NRG2: variants seen among roughly 807,000 people sequenced by gnomAD.
NRG2 encodes pro-neuregulin-2, membrane-bound isoform.
A neutral mutation model predicts 73.9 loss-of-function variants in NRG2; 27 were observed. The observed-to-expected ratio is 0.37, with a 90% CI of 0.27 to 0.50. NRG2 has a LOEUF of 0.50. NRG2 is among the 20% of genes least tolerant of loss of function. The probability of loss-of-function intolerance (pLI) is 0.96; values close to 1 mark genes in which losing one functional copy is unlikely to be tolerated. For missense variants in NRG2, 1,126 were observed against 1,210.1 expected (o/e 0.93, Z 1.03); for synonymous variants, 532 against 541.0 (o/e 0.98, Z 0.23).
intron 4 of NRG2, among the ~76,000 whole-genome samples, chr5:139,866,878 C>A (rs1762502771): frequency 6.6e-6 from 1 of 152,188 alleles, no homozygotes; most frequent in African/African-American, 2.4e-5. Flanking sequence ...CCTGTACTCT[C>A]TTCTGAACCC....
intron 1 of NRG2, among the ~76,000 whole-genome samples, chr5:140,013,602 T>C (rs1296102629): frequency 9.9e-5 from 15 of 152,200 alleles, no homozygotes; most frequent in Admixed American, 9.8e-4. Context: ...CCCTAACAGC[T>C]ACCACCCTAC....
At chr5:139,888,778 T>C (rs1764033822) in intron 1 of NRG2, among the ~76,000 whole-genome samples, 1 of 152,070 alleles carries the variant, frequency 6.6e-6, no homozygotes, top group African/African-American at 2.4e-5. Flanking sequence ...TCTCGTAAAA[T>C]AATTTTGTTC....
chr5:140,015,338 A>G (rs1360077285), intron 1 of NRG2, among the ~76,000 whole-genome samples: 1 of 152,162 alleles, frequency 6.6e-6, no homozygotes, highest in Non-Finnish European at 1.5e-5. Flanking sequence ...ATATTACTCA[A>G]TGAATGGATA....
chr5:139,857,694 A>G (rs184401943), intron 5 of NRG2, among the ~76,000 whole-genome samples: 22 of 152,094 alleles, frequency 1.4e-4, no homozygotes, highest in African/African-American at 4.3e-4. Context: ...GCCACGACCA[A>G]AGAGAATCCC....
chr5:139,959,605 A>G (rs1754910322), intron 1 of NRG2, among the ~76,000 whole-genome samples: 1 of 151,634 alleles, frequency 6.6e-6, no homozygotes, highest in Non-Finnish European at 1.5e-5. Flanking sequence ...CGAACTCCCG[A>G]CCTCAGATCA....
intron 3 of NRG2, among the ~76,000 whole-genome samples, chr5:139,880,621 A>G (rs917359314): frequency 9.9e-5 from 15 of 151,028 alleles, no homozygotes; most frequent in African/African-American, 3.4e-4. Flanking sequence ...TTTAGTTTTC[A>G]GGGTATTTAA....
At chr5:139,970,870 GCA>G (rs1755912923) in intron 1 of NRG2, among the ~76,000 whole-genome samples, 1 of 152,186 alleles carries the variant, frequency 6.6e-6, no homozygotes, top group Admixed American at 6.5e-5. Flanking sequence ...TCCTTAGTTA[GCA>G]CTATCCATGA....
chr5:139,907,793 A>G (rs1447375534), intron 1 of NRG2, among the ~76,000 whole-genome samples: 1 of 152,102 alleles, frequency 6.6e-6, no homozygotes, highest in Non-Finnish European at 1.5e-5. Context: ...ATTCCAGATG[A>G]GTGGGATACG....
At chr5:139,918,038 G>A (rs1472902183) in intron 1 of NRG2, among the ~76,000 whole-genome samples, 1 of 152,152 alleles carries the variant, frequency 6.6e-6, no homozygotes, top group Non-Finnish European at 1.5e-5. Flanking sequence ...TTACTGTTAA[G>A]TCTTTGACCC....
chr5:140,017,438 T>C (rs1759880200), intron 1 of NRG2, among the ~76,000 whole-genome samples: 1 of 152,100 alleles, frequency 6.6e-6, no homozygotes. Context: ...TATTTTAAAA[T>C]TCTGTAGACA....
At chr5:139,938,900 GAAAGAAAA>G (rs1753093530) in intron 1 of NRG2, among the ~76,000 whole-genome samples, 4 of 63,960 alleles carry the variant, frequency 6.3e-5, no homozygotes, top group Non-Finnish European at 1.2e-4. Context: ...AAGAAAGAAA[GAAAGAAAA>G]GAAAGAAAGA....
intron 1 of NRG2, among the ~76,000 whole-genome samples, chr5:139,943,986 C>T (rs968196428): frequency 2.0e-5 from 3 of 152,130 alleles, no homozygotes; most frequent in Non-Finnish European, 4.4e-5. Flanking sequence ...ACAATTTTCA[C>T]ATCACAAATA....
chr5:140,043,054 A>G lies in NRG2; in HGVS notation c.16T>C (p.Cys6Arg). 6.5e-7 allele frequency: 1 copy of G among 1,536,908 alleles called. No homozygotes were observed. Among genetic ancestry groups the G allele is most frequent in the South Asian group, 1.2e-5 (1 of 84,426 alleles). MRQVC[C>R]SALPPPPLEK... The stretch of plus-strand genomic sequence containing the variant: ...AGTGGCGGCGGCGGCAGCGCTGAGC[A>G]GCAAACCTGCCGCATCTGGCCAGGC... Residue 6 changes from cysteine (C) to arginine (R), a missense_variant, in exon 1 of 10, where the codon TGC becomes CGC. Cys to Arg is a radical substitution (Grantham distance 180, BLOSUM62 -3). Around this residue, in one of 3 missense-constraint regions of NRG2, gnomAD observed 185 missense variants for 149.0 expected, o/e 1.24. Coordinates refer to ENST00000361474, the MANE Select transcript of NRG2 (RefSeq NM_004883.3). This position sits in a 1 kb window ranked among gnomAD's most constrained non-coding sequence, Gnocchi z 6.7.
chr5:139,946,018 A>G (rs1466587623), intron 1 of NRG2, among the ~76,000 whole-genome samples: 1 of 152,128 alleles, frequency 6.6e-6, no homozygotes, highest in Non-Finnish European at 1.5e-5. Context: ...GAGATTCAAT[A>G]TTGTTAAGAT....
intron 1 of NRG2, among the ~76,000 whole-genome samples, chr5:139,927,249 G>C (rs1478571569): frequency 6.6e-6 from 1 of 152,190 alleles, no homozygotes; most frequent in Non-Finnish European, 1.5e-5. Flanking sequence ...CTGGGAGTGT[G>C]TGCAAGTGGG....
chr5:139,971,222 A>G (rs544444259), intron 1 of NRG2, among the ~76,000 whole-genome samples: 2 of 152,242 alleles, frequency 1.3e-5, no homozygotes, highest in South Asian at 4.1e-4. Flanking sequence ...GTTGGCATCA[A>G]TTTCATTTTA....
At chr5:139,957,878 G>A (rs577961229) in intron 1 of NRG2, among the ~76,000 whole-genome samples, 1 of 152,276 alleles carries the variant, frequency 6.6e-6, no homozygotes, top group South Asian at 2.1e-4. Context: ...GGTCTGATAA[G>A]GAGAAGGTTC....
intron 1 of NRG2, among the ~76,000 whole-genome samples, chr5:139,935,223 CTTTAGAAATAGAGAAA>C (rs1752759405): frequency 6.6e-6 from 1 of 152,008 alleles, no homozygotes; most frequent in Admixed American, 6.6e-5. Context: ...GATGATACAG[CTTTAGAAATAGAGAAA>C]TTTAGAAATA....
intron 1 of NRG2, among the ~76,000 whole-genome samples, chr5:139,892,777 C>T (rs968947323): frequency 6.6e-5 from 10 of 152,190 alleles, no homozygotes; most frequent in Non-Finnish European, 1.3e-4. Flanking sequence ...CATTTATCCC[C>T]CATTCAGTCG....
Sources: allele counts gnomAD v4.1 joint callset (sites outside exome capture counted in the v4.1 genomes callset), GRCh38; gene constraint gnomAD v4.1.1; regional missense constraint gnomAD v4.1.1; non-coding constraint Gnocchi (gnomAD v3.1); transcripts MANE v1.5; gene names NCBI Gene and HGNC (gene_info 2026-07-23, HGNC 2026-07-21).